Variants in ARSG observed in about 807,000 individuals in gnomAD.
The protein encoded by ARSG is arylsulfatase G, also known as ASG.
In ARSG, 37 loss-of-function variants were observed where a neutral mutation model predicts 50.5. That is an observed-to-expected ratio of 0.73 (90% CI 0.56 to 0.96). The LOEUF (loss-of-function observed/expected upper bound fraction) is 0.96. ARSG is among the 50% of genes least tolerant of loss of function. The pLI is 0.00. For synonymous variants in ARSG, 225 were observed against 254.6 expected (o/e 0.88, Z 1.11); for missense variants, 629 against 675.3 (o/e 0.93, Z 0.76).
intron 9 of ARSG, among the ~76,000 whole-genome samples, chr17:68,386,825 C>T (rs1325359175): frequency 2.0e-5 from 3 of 152,100 alleles, no homozygotes; most frequent in African/African-American, 7.2e-5. Context: ...CACCTACAGT[C>T]AACCATAATA....
chr17:68,263,765 A>T (rs1172864975), intron 1 of ARSG, among the ~76,000 whole-genome samples: 6 of 152,254 alleles, frequency 3.9e-5, no homozygotes, highest in Non-Finnish European at 8.8e-5. Context: ...TTAAAGAATT[A>T]AAGACAATGG....
chr17:68,356,600 A>G, intron 5 of ARSG, 67 bp from the exon 6 acceptor site: 1 of 1,574,274 alleles, frequency 6.4e-7, no homozygotes. Flanking sequence ...TGTTGCATTA[A>G]AGCATTTAGT....
intron 1 of ARSG, among the ~76,000 whole-genome samples, chr17:68,265,858 A>C (rs1225466647): frequency 3.3e-5 from 5 of 152,104 alleles, no homozygotes; most frequent in Non-Finnish European, 7.4e-5. Flanking sequence ...ATTCCATTGA[A>C]ACATGGCCAC....
At chr17:68,333,402 C>T (rs368591169) in intron 2 of ARSG, among the ~76,000 whole-genome samples, 14 of 151,956 alleles carry the variant, frequency 9.2e-5, no homozygotes, top group South Asian at 2.1e-4. Context: ...CCAAGGCGGG[C>T]GGATCACCTG....
At chr17:68,355,486 G>A (rs550999695) in intron 5 of ARSG, among the ~76,000 whole-genome samples, 5 of 152,306 alleles carry the variant, frequency 3.3e-5, no homozygotes, top group African/African-American at 1.2e-4. Flanking sequence ...AGCCTCCTGA[G>A]TAGCTGAGAC....
At chr17:68,318,881 ATTGAGCTGTCAATTTAG>A in intron 2 of ARSG, among the ~76,000 whole-genome samples, 1 of 152,176 alleles carries the variant, frequency 6.6e-6, no homozygotes, top group Non-Finnish European at 1.5e-5. Context: ...TGAGCAATGA[ATTGAGCTGTCAATTTAG>A]TTGAACACTT....
chr17:68,298,794 A>T (rs1303533078), intron 1 of ARSG, among the ~76,000 whole-genome samples: 1 of 152,052 alleles, frequency 6.6e-6, no homozygotes, highest in African/African-American at 2.4e-5. Flanking sequence ...AGAGTGAGCA[A>T]GCAAGTTCTC....
chr17:68,426,247 A>AGGGGG (rs150170943), downstream of ARSG: 5 of 668,430 alleles, frequency 7.5e-6, 1 homozygote, highest in Admixed American at 3.7e-5. Context: ...GCGGGTGGGG[A>AGGGGG]GCGGGGGCTC....
chr17:68,385,797 C>G (rs2080695212), intron 9 of ARSG, among the ~76,000 whole-genome samples: 1 of 152,068 alleles, frequency 6.6e-6, no homozygotes, highest in Admixed American at 6.6e-5. Context: ...ATTGTTCCAT[C>G]CTTGGGGTTA....
intron 2 of ARSG, among the ~76,000 whole-genome samples, chr17:68,342,089 G>A (rs2078294294): frequency 6.6e-6 from 1 of 151,948 alleles, no homozygotes; most frequent in South Asian, 2.1e-4. Context: ...CAAAGTGCTG[G>A]GATTAAAGGA....
At chr17:68,405,892 A>AT (rs1204959545) in intron 11 of ARSG, among the ~76,000 whole-genome samples, 1 of 151,934 alleles carries the variant, frequency 6.6e-6, no homozygotes, top group Admixed American at 6.6e-5. Context: ...CACTTTATTT[A>AT]TTTTTTATTT....
Position 68,388,559 on chromosome 17 carries a change from G to A in ARSG, c.1091+3387G>A, listed in dbSNP as rs147029234. On this transcript the variant is annotated intron_variant, in intron 9 of 11. Transcript: ENST00000621439. ...CCTACCTCTGCTCCGAATGAGGATC[G>A]ATCCTTCAGAGATGAACTGGGGCAA... Among the ~76,000 whole-genome samples, 8 of 152,244 alleles carry A rather than the reference G, an allele frequency of 5.3e-5. No individual in the cohort carries two copies. In the East Asian group the frequency reaches 5.8e-4, roughly 11 times the overall value.
intron 11 of ARSG, among the ~76,000 whole-genome samples, chr17:68,404,104 A>T (rs1298285778): frequency 6.6e-6 from 1 of 152,092 alleles, no homozygotes; most frequent in Admixed American, 6.6e-5. Context: ...AATCCAGTCT[A>T]TCATTGATGG....
In ARSG at chr17:68,348,715, G is replaced by A. The variant is rs1225012818; in HGVS notation, c.454+1543G>A. Among the ~76,000 whole-genome samples, 3 of 152,124 alleles carry A rather than the reference G, an allele frequency of 2.0e-5. No homozygotes were observed. In the East Asian group the frequency reaches 5.8e-4, roughly 29 times the overall value. On this transcript the variant is annotated intron_variant, in intron 4 of 11. Transcript: ENST00000621439. Reference sequence around the variant, plus strand: ...TGGGACTACAGGTGCCCGCCACCATGCCTGGTTAATCTTTTGATTAAAAGC... The same window carrying A: ...TGGGACTACAGGTGCCCGCCACCATACCTGGTTAATCTTTTGATTAAAAGC...
chr17:68,422,294 G>T (rs963871014), downstream of ARSG: 3 of 162,906 alleles, frequency 1.8e-5, no homozygotes, highest in Non-Finnish European at 4.1e-5. Context: ...GGGCATGGTG[G>T]CGCTCACCTG....
At chr17:68,313,643 G>A (rs1230695048) in intron 2 of ARSG, among the ~76,000 whole-genome samples, 1 of 151,234 alleles carries the variant, frequency 6.6e-6, no homozygotes, top group Non-Finnish European at 1.5e-5. Context: ...ACGCTGTTCA[G>A]TCTGGTGCAA....
intron 6 of ARSG, among the ~76,000 whole-genome samples, chr17:68,361,856 C>T (rs959650757): frequency 2.0e-5 from 3 of 152,090 alleles, no homozygotes; most frequent in Non-Finnish European, 2.9e-5. Flanking sequence ...ACGGAGGTTG[C>T]AGTGAGCCGA....
chr17:68,353,135 G>C (rs191421421), intron 5 of ARSG, among the ~76,000 whole-genome samples: 1 of 152,002 alleles, frequency 6.6e-6, no homozygotes, highest in East Asian at 2.0e-4. Flanking sequence ...TGTGAGGTAG[G>C]TATTTCTTAG....
At chr17:68,342,241 G>A (rs2078300899) in intron 2 of ARSG, among the ~76,000 whole-genome samples, 1 of 151,686 alleles carries the variant, frequency 6.6e-6, no homozygotes, top group Non-Finnish European at 1.5e-5. Flanking sequence ...ATGGGCATCT[G>A]TTCACAATAT....
Sources: allele counts gnomAD v4.1 joint callset (sites outside exome capture counted in the v4.1 genomes callset), GRCh38; gene constraint gnomAD v4.1.1; transcripts MANE v1.5; gene names NCBI Gene and HGNC (gene_info 2026-07-23, HGNC 2026-07-21).